Variants in ZFAT observed in about 807,000 individuals in gnomAD.
ZFAT encodes the protein zinc finger and AT-hook domain containing.
In ZFAT, 64 loss-of-function variants were observed where a neutral mutation model predicts 117.7. That is an observed-to-expected ratio of 0.54 (90% CI 0.44 to 0.67). The LOEUF (loss-of-function observed/expected upper bound fraction) is 0.67. ZFAT is among the 30% of genes least tolerant of loss of function. The probability of loss-of-function intolerance (pLI) is 0.00; values close to 1 mark genes in which losing one functional copy is unlikely to be tolerated. For missense variants in ZFAT, 1,433 were observed against 1,584.5 expected (o/e 0.90, Z 1.62); for synonymous variants, 679 against 615.0 (o/e 1.10, Z -1.54).
chr8:134,803,794 A>T, the ZFAT span, among the ~76,000 whole-genome samples: 1 of 152,216 alleles, frequency 6.6e-6, no homozygotes, highest in Non-Finnish European at 1.5e-5. Flanking sequence ...TAACAGGAAA[A>T]AATAGAATTA....
At chr8:134,660,631 T>TG (rs1831880994) in intron 1 of ZFAT, among the ~76,000 whole-genome samples, 1 of 152,348 alleles carries the variant, frequency 6.6e-6, no homozygotes, top group South Asian at 2.1e-4. Flanking sequence ...TCTCATGTAA[T>TG]GTTTTTACTG....
At chr8:134,565,059 A>G (rs1044188592) in intron 11 of ZFAT, 8 of 1,418,448 alleles carry the variant, frequency 5.6e-6, no homozygotes, top group Admixed American at 2.1e-5. Context: ...AAATCACTCC[A>G]GTGCTTTTAT....
At chr8:134,765,738 A>G in the ZFAT span, 1 of 152,056 alleles carries the variant, frequency 6.6e-6, no homozygotes, top group Admixed American at 6.6e-5. Context: ...GGCTGCCTGC[A>G]CCTGAGTACA....
chr8:134,640,252 CA>C (rs975912696), intron 2 of ZFAT, among the ~76,000 whole-genome samples: 1 of 152,176 alleles, frequency 6.6e-6, no homozygotes, highest in African/African-American at 2.4e-5. Flanking sequence ...AGGGACCTTC[CA>C]AATCTGTAGT....
the ZFAT span, among the ~76,000 whole-genome samples, chr8:134,802,214 G>A: frequency 1.3e-5 from 2 of 152,190 alleles, no homozygotes; most frequent in Non-Finnish European, 2.9e-5. Flanking sequence ...GCTAGGCAAA[G>A]TGTGGCAGAG....
chr8:134,488,475 G>T (rs982468041), intron 15 of ZFAT, among the ~76,000 whole-genome samples: 1 of 152,200 alleles, frequency 6.6e-6, no homozygotes, highest in Non-Finnish European at 1.5e-5. Flanking sequence ...TTTAGACACC[G>T]CTAAGAGATG....
chr8:134,627,696 G>A (rs1233010803), intron 3 of ZFAT, among the ~76,000 whole-genome samples: 2 of 152,130 alleles, frequency 1.3e-5, no homozygotes, highest in Non-Finnish European at 2.9e-5. Flanking sequence ...CAGTTCTTGT[G>A]TCTGCTGTAT....
chr8:134,793,845 C>T, the ZFAT span: 1 of 152,128 alleles, frequency 6.6e-6, no homozygotes, highest in Non-Finnish European at 1.5e-5. Flanking sequence ...GTGGTTTAAC[C>T]AATAACTCAT....
intron 10 of ZFAT, among the ~76,000 whole-genome samples, chr8:134,578,417 A>AG (rs1825473342): frequency 6.6e-6 from 1 of 151,290 alleles, no homozygotes; most frequent in African/African-American, 2.4e-5. Flanking sequence ...GTCTCAAAAA[A>AG]AAAAAAAAAA....
At chr8:134,774,876 G>A in the ZFAT span, among the ~76,000 whole-genome samples, 6 of 151,596 alleles carry the variant, frequency 4.0e-5, no homozygotes, top group Non-Finnish European at 8.9e-5. Flanking sequence ...CAGCACTTTG[G>A]GAAGCCAAGG....
intron 1 of ZFAT, among the ~76,000 whole-genome samples, chr8:134,697,952 C>T (rs1305715931): frequency 2.0e-5 from 3 of 151,704 alleles, no homozygotes; most frequent in African/African-American, 7.3e-5. Context: ...CCTACCTGCT[C>T]AGACTGCACA....
chr8:134,526,639 C>T (rs1235782735), intron 12 of ZFAT, among the ~76,000 whole-genome samples: 1 of 152,164 alleles, frequency 6.6e-6, no homozygotes, highest in African/African-American at 2.4e-5. Context: ...AATATCTCTG[C>T]TCCTTTGTGG....
chr8:134,672,636 T>A (rs769949179), intron 1 of ZFAT, among the ~76,000 whole-genome samples: 1 of 151,944 alleles, frequency 6.6e-6, no homozygotes, highest in Non-Finnish European at 1.5e-5. Flanking sequence ...AATGTAAAAG[T>A]AATGAAAAAA....
In ZFAT at chr8:134,512,524, T is replaced by C; in HGVS notation, c.3312A>G (p.Thr1104=). 1 of 1,614,014 alleles carries C rather than the reference T, an allele frequency of 6.2e-7. No homozygotes were observed. The highest frequency in any genetic ancestry group is 8.5e-7 in the Non-Finnish European group (1 of 1,179,886). ...CCTGGAGCGCGGCCACCGCTGCCTG[T>C]GTCCCTTGAACGTCTTCTTCGGCCT... ...ITEAEEDVQG[T]QAAVAALQDL... The change falls in exon 14 of 16, where the codon ACA becomes ACG. Residue 1104 remains threonine (T), a synonymous_variant. Coordinates refer to ENST00000377838, the MANE Select transcript of ZFAT (RefSeq NM_020863.4).
rs1814079394 is a variant in ZFAT, at chr8:134,712,906, C to G, written c.-43G>C. On this transcript the variant is annotated 5_prime_UTR_variant, in exon 1 of 16. Transcript: ENST00000377838. ...GAGGAAAAAAAAGCCTCGGGCTCTT[C>G]CGGGCCCCCTCCCGTGCCGACCGAG... The G allele has an allele frequency of 2.7e-6, 4 of 1,474,308 alleles. No individual in the cohort carries two copies. Among genetic ancestry groups the G allele is most frequent in the Non-Finnish European group, 3.6e-6 (4 of 1,109,622 alleles). The allele number at this position is 1,474,308 out of a possible 1,614,324, so 91.3% of individuals were successfully genotyped here. A position where few individuals can be genotyped will look rare whatever the true frequency, so the allele number is the denominator to read the frequency against.
chr8:134,485,526 G>A (rs189208609), intron 15 of ZFAT, among the ~76,000 whole-genome samples: 36 of 152,326 alleles, frequency 2.4e-4, no homozygotes, highest in Admixed American at 1.3e-3. Context: ...TCTGACACAC[G>A]TTTTCTGGAA....
the ZFAT span, among the ~76,000 whole-genome samples, chr8:134,831,497 C>T: frequency 6.6e-6 from 1 of 152,222 alleles, no homozygotes; most frequent in Admixed American, 6.5e-5. Context: ...CGGGTGCTCC[C>T]GGCCTCTCTC....
At chr8:134,776,511 C>T in the ZFAT span, among the ~76,000 whole-genome samples, 1 of 152,068 alleles carries the variant, frequency 6.6e-6, no homozygotes, top group Non-Finnish European at 1.5e-5. Flanking sequence ...ACCATGTTGC[C>T]GAGGCTTCGT....
intron 10 of ZFAT, among the ~76,000 whole-genome samples, chr8:134,572,234 T>C (rs942890070): frequency 2.6e-5 from 4 of 152,260 alleles, no homozygotes; most frequent in African/African-American, 9.6e-5. Flanking sequence ...AGCCATTCCA[T>C]ATGAGCATGA....
Sources: gnomAD v4.1 joint callset for allele counts (sites outside exome capture counted in the v4.1 genomes callset) on GRCh38, gnomAD v4.1.1 for gene constraint, MANE v1.5 for transcripts, NCBI Gene and HGNC (gene_info 2026-07-23, HGNC 2026-07-21) for gene names.